SAFB2: variants seen among roughly 807,000 people sequenced by gnomAD.
SAFB2 encodes the protein scaffold attachment factor B2.
In SAFB2, 32 loss-of-function variants were observed where a neutral mutation model predicts 100.6. The observed-to-expected ratio is 0.32, with a 90% CI of 0.24 to 0.43. SAFB2 has a LOEUF of 0.43. SAFB2 is among the 20% of genes least tolerant of loss of function. SAFB2 has a pLI of 1.00. For synonymous variants in SAFB2, 500 were observed against 439.4 expected, an observed-to-expected ratio of 1.14 and a Z score of -1.72; for missense variants, 1,185 against 1,163.4, an observed-to-expected ratio of 1.02 and a Z score of -0.27.
At chr19:5,614,935 G>C (rs1011559947) in intron 4 of SAFB2, among the ~76,000 whole-genome samples, 1 of 152,210 alleles carries the variant, frequency 6.6e-6, no homozygotes, top group Non-Finnish European at 1.5e-5. Context: ...AACAGGCTAG[G>C]CGTGGTGACT....
At chr19:5,605,170 TCTCGGCTCACCGCGAC>T (rs747040264) in intron 9 of SAFB2, among the ~76,000 whole-genome samples, 39 of 147,788 alleles carry the variant, frequency 2.6e-4, no homozygotes, top group Non-Finnish European at 5.0e-4. Context: ...AGTGTCGCGA[TCTCGGCTCACCGCGAC>T]CTCCGCCTCC....
Position 5,593,903 on chromosome 19 carries a change from T to C in SAFB2, c.2195A>G (p.Tyr732Cys). Residue 732 changes from tyrosine to cysteine, a missense_variant, in exon 15 of 21, where the codon TAC (tyrosine) becomes TGC (cysteine). Around this residue, in one of 3 missense-constraint regions of SAFB2, gnomAD observed 740 missense variants for 687.1 expected, o/e 1.08. Coordinates refer to ENST00000252542, the MANE Select transcript of SAFB2 (RefSeq NM_014649.3). ...GGGCGGGACTCACCGGTCCAGGTCG[T>C]AGGGCCTCCGCCCGGGCCGCCGCTC... ...EQERRPGRRP[Y>C]DLDRRDDAYW... 6.6e-7 allele frequency: 1 copy of C among 1,512,894 alleles called. No homozygotes were observed. Among genetic ancestry groups the C allele is most frequent in the Non-Finnish European group, 8.8e-7 (1 of 1,142,438 alleles). The allele number at this position is 1,512,894 out of a possible 1,614,324, so 93.7% of individuals were successfully genotyped here. A position where few individuals can be genotyped will look rare whatever the true frequency, so the allele number is the denominator to read the frequency against.
Position 5,587,485 on chromosome 19 carries a change from T to G in SAFB2, c.2706-86A>C. The G allele has an allele frequency of 2.0e-6, 3 of 1,503,304 alleles. No homozygotes were observed. The highest frequency in any genetic ancestry group is 2.7e-6 in the Non-Finnish European group (3 of 1,119,252). 93.1% of individuals were successfully genotyped at this position (1,503,304 alleles called of 1,614,324 possible). On this transcript the variant is annotated intron_variant, in intron 20 of 20. Transcript: ENST00000252542. This position sits in a 1 kb window ranked among gnomAD's most constrained non-coding sequence, Gnocchi z 4.9. Reference sequence around the variant, plus strand: ...TGGGTTCAGTAACGGTCCCGCAGCCTTTAGAGCGCTTGGGTTTTTTTTCCA... The same window carrying G: ...TGGGTTCAGTAACGGTCCCGCAGCCGTTAGAGCGCTTGGGTTTTTTTTCCA...
chr19:5,592,541 T>C (rs2052432926), intron 16 of SAFB2, among the ~76,000 whole-genome samples: 1 of 152,190 alleles, frequency 6.6e-6, no homozygotes, highest in African/African-American at 2.4e-5. Flanking sequence ...TGGAATGAGC[T>C]CTGAGATGCC....
intron 2 of SAFB2, among the ~76,000 whole-genome samples, chr19:5,616,879 T>C (rs1049781712): frequency 6.6e-6 from 1 of 152,114 alleles, no homozygotes; most frequent in Non-Finnish European, 1.5e-5. Context: ...CTCAAACTCC[T>C]GACCTCGTGA....
chr19:5,606,413 G>A (rs1209717058), intron 9 of SAFB2, among the ~76,000 whole-genome samples: 1 of 152,168 alleles, frequency 6.6e-6, no homozygotes. Flanking sequence ...ATCACTTGAG[G>A]CCAGGTGTTC....
At position 5,610,687 on chromosome 19, in the gene SAFB2, A is replaced by T. The variant is rs1413697149; in HGVS notation, c.1147T>A (p.Ser383Thr). The T allele has an allele frequency of 6.5e-6, 10 of 1,545,250 alleles. No individual in the cohort carries two copies. The highest frequency in any genetic ancestry group is 1.4e-5 in the African/African-American group (1 of 73,054). ...TTTATATCTTTTTCTTCCTTAAAAG[A>T]GCTAGAGACAAAAGTTAATGTTACT... The part of the protein sequence containing the change: ...TSEGADQKMS[S>T]FKEEKDIKPI... Residue 383 changes from serine to threonine, a missense_variant and splice_region_variant, in exon 8 of 21, where the codon TCT (serine) becomes ACT (threonine). Physicochemically the swap from Ser to Thr is moderately conservative, Grantham distance 58 (BLOSUM62 1). Around this residue, in one of 3 missense-constraint regions of SAFB2, gnomAD observed 351 missense variants for 341.2 expected, o/e 1.03. Coordinates refer to ENST00000252542, the MANE Select transcript of SAFB2 (RefSeq NM_014649.3).
intron 12 of SAFB2, among the ~76,000 whole-genome samples, chr19:5,599,418 G>C (rs1160938931): frequency 6.6e-6 from 1 of 152,142 alleles, no homozygotes; most frequent in African/African-American, 2.4e-5. Flanking sequence ...GACTTATTTG[G>C]GGAGATTTAT....
In SAFB2 at chr19:5,604,772, C is replaced by G. The variant is rs763834004; in HGVS notation, c.1446+15G>C. ...AACTCCATTTGCGAGTTACCATAGA[C>G]GAGAACTGCCTCACCTTCTCTACGG... On this transcript the variant is annotated intron_variant, in intron 10 of 20. Transcript: ENST00000252542. The G allele has an allele frequency of 6.2e-7, 1 of 1,613,854 alleles. No homozygotes were observed. Among genetic ancestry groups the G allele is most frequent in the African/African-American group, 1.3e-5 (1 of 74,916 alleles).
At chr19:5,592,294 G>A (rs1341518894) in intron 16 of SAFB2, among the ~76,000 whole-genome samples, 4 of 152,158 alleles carry the variant, frequency 2.6e-5, no homozygotes, top group Non-Finnish European at 4.4e-5. Context: ...AAAACCAAGG[G>A]CTGCCTTTTT....
intron 2 of SAFB2, among the ~76,000 whole-genome samples, chr19:5,620,308 T>C (rs1384789615): frequency 1.3e-5 from 2 of 152,230 alleles, no homozygotes; most frequent in Non-Finnish European, 2.9e-5. Context: ...TACAATTTCT[T>C]TCTACTTTCT....
chr19:5,610,046 G>T lies in SAFB2; in HGVS notation c.1245C>A (p.Ser415=). ...TGAGATCCGTAGCGCGTGTTGTGGA[G>T]GACAGCCCGCTGACCCACAGGTTCC... ...SGRNLWVSGL[S]STTRATDLKN... is the part of the protein sequence containing the mutation. Residue 415 remains serine, a synonymous_variant, in exon 9 of 21, where the codon TCC becomes TCA. Transcript: ENST00000252542. 1 of 1,614,168 alleles carries T rather than the reference G, an allele frequency of 6.2e-7. No individual in the cohort carries two copies. The highest frequency in any genetic ancestry group is 8.5e-7 in the Non-Finnish European group (1 of 1,180,036).
intron 7 of SAFB2, chr19:5,610,919 C>G: frequency 1.4e-6 from 1 of 721,798 alleles, no homozygotes; most frequent in Non-Finnish European, 2.3e-6. Context: ...TTTAAGAACA[C>G]AACCATGGTA....
intron 9 of SAFB2, among the ~76,000 whole-genome samples, chr19:5,605,548 T>C (rs1373610279): frequency 6.6e-6 from 1 of 152,226 alleles, no homozygotes; most frequent in African/African-American, 2.4e-5. Context: ...CTATTTCCAC[T>C]GTGCCCACAA....
At chr19:5,603,297 A>T (rs950076795) in intron 11 of SAFB2, among the ~76,000 whole-genome samples, 4 of 152,216 alleles carry the variant, frequency 2.6e-5, no homozygotes, top group African/African-American at 9.7e-5. Context: ...TTCCAATTAA[A>T]AATAATAATT....
rs2052371676 is a variant in SAFB2, at chr19:5,590,476, C to T, written c.2395-68G>A. On this transcript the variant is annotated intron_variant, in intron 17 of 20. Transcript: ENST00000252542. ...CCACATAGGCCCACCTTCCGGAAGG[C>T]CTGTCCACTGCAGGCCCCAGGGTGG... is the stretch of plus-strand genomic sequence containing the variant. The T allele has an allele frequency of 2.7e-6, 4 of 1,504,330 alleles. No homozygotes were observed. The South Asian group carries it at 5.3e-5, about 20-fold the overall frequency. The allele number at this position is 1,504,330 out of a possible 1,614,324, so 93.2% of individuals were successfully genotyped here.
intron 12 of SAFB2, among the ~76,000 whole-genome samples, chr19:5,599,401 GA>G (rs1408313009): frequency 6.6e-6 from 1 of 152,138 alleles, no homozygotes; most frequent in Non-Finnish European, 1.5e-5. Context: ...TAAACCACTG[GA>G]ACAATGACTT....
At chr19:5,615,210 C>T (rs535742854) in intron 4 of SAFB2, among the ~76,000 whole-genome samples, 3 of 152,282 alleles carry the variant, frequency 2.0e-5, no homozygotes, top group Admixed American at 6.5e-5. Context: ...AAAAAATCAG[C>T]TGGGCGTGGT....
rs2052265940 is a variant in SAFB2 at position 5,587,084 on chromosome 19, TATTTA to T, written c.*154_*158del. On this transcript the variant is annotated 3_prime_UTR_variant, in exon 21 of 21. Transcript: ENST00000252542. This position sits in a 1 kb window ranked among gnomAD's most constrained non-coding sequence, Gnocchi z 4.9. The stretch of plus-strand genomic sequence containing the variant: ...AAAAATGGCAGAACAAGAACACATT[TATTTA>T]AAAAAAAAAAAAAAGTGAGTTCACA... The T allele has an allele frequency of 3.2e-6, 3 of 950,282 alleles. No individual in the cohort carries two copies. Among genetic ancestry groups the T allele is most frequent in the Admixed American group, 2.4e-5 (1 of 41,446 alleles). 58.9% of individuals were successfully genotyped at this position (950,282 alleles called of 1,614,324 possible).
Sources: allele counts gnomAD v4.1 joint callset (sites outside exome capture counted in the v4.1 genomes callset), GRCh38; gene constraint gnomAD v4.1.1; regional missense constraint gnomAD v4.1.1; non-coding constraint Gnocchi (gnomAD v3.1); transcripts MANE v1.5; gene names NCBI Gene and HGNC (gene_info 2026-07-23, HGNC 2026-07-21).